NRG1: variants seen among roughly 807,000 people sequenced by gnomAD.
NRG1 encodes pro-neuregulin-1, membrane-bound isoform.
NRG1 carries 18 observed loss-of-function variants against 63.8 expected under a neutral mutation model. That is an observed-to-expected ratio of 0.28 (90% CI 0.19 to 0.42). The LOEUF (loss-of-function observed/expected upper bound fraction) is 0.42. Ranked by LOEUF, NRG1 falls within the 10% of genes least tolerant of loss-of-function variation. NRG1 has a pLI of 1.00. For synonymous variants in NRG1, 302 were observed against 301.3 expected, an observed-to-expected ratio of 1.00 and a Z score of -0.02; for missense variants, 762 against 814.7, an observed-to-expected ratio of 0.94 and a Z score of 0.79.
At chr8:31,999,146 T>C (rs187717172) in intron 1 of NRG1, among the ~76,000 whole-genome samples, 1 of 151,950 alleles carries the variant, frequency 6.6e-6, no homozygotes, top group East Asian at 1.9e-4. Flanking sequence ...TATTTTCCAA[T>C]GGAAATTGAC....
At chr8:31,653,758 C>A (rs550709699) in intron 1 of NRG1, among the ~76,000 whole-genome samples, 22 of 152,286 alleles carry the variant, frequency 1.4e-4, no homozygotes, top group African/African-American at 4.8e-4. Context: ...AAATCTTCAA[C>A]GTTTAATGCT....
intron 1 of NRG1, among the ~76,000 whole-genome samples, chr8:31,840,935 G>T (rs577493016): frequency 6.6e-6 from 1 of 152,232 alleles, no homozygotes; most frequent in Non-Finnish European, 1.5e-5. Context: ...TTTGGGTTTA[G>T]TATGTATTCA....
chr8:32,668,909 G>A (rs1231264612), intron 5 of NRG1, among the ~76,000 whole-genome samples: 2 of 152,078 alleles, frequency 1.3e-5, no homozygotes, highest in African/African-American at 2.4e-5. Flanking sequence ...ATTTAGTAAC[G>A]GATTTTCTTT....
At chr8:31,650,124 C>T (rs114921577) in intron 1 of NRG1, among the ~76,000 whole-genome samples, 2,696 of 152,216 alleles carry the variant, frequency 0.018, 88 homozygotes, top group African/African-American at 0.061. Flanking sequence ...ATCACAGGCC[C>T]ATGCCACTAT....
intron 1 of NRG1, among the ~76,000 whole-genome samples, chr8:32,282,452 G>C (rs1852979578): frequency 6.6e-6 from 1 of 152,214 alleles, no homozygotes; most frequent in Admixed American, 6.5e-5. Context: ...GGTTCAGCAT[G>C]CTCTCTGTCC....
At chr8:32,574,328 G>A (rs918793160) in intron 1 of NRG1, among the ~76,000 whole-genome samples, 1 of 151,956 alleles carries the variant, frequency 6.6e-6, no homozygotes, top group Non-Finnish European at 1.5e-5. Flanking sequence ...ATTTCATCAG[G>A]TCTTCAAAAG....
intron 1 of NRG1, among the ~76,000 whole-genome samples, chr8:32,421,401 C>G (rs1298038624): frequency 3.3e-5 from 5 of 152,142 alleles, no homozygotes; most frequent in Admixed American, 3.3e-4. Context: ...CAACATCTGC[C>G]CTTCTCTGAG....
At chr8:31,982,163 A>G (rs1195470414) in intron 1 of NRG1, among the ~76,000 whole-genome samples, 1 of 151,962 alleles carries the variant, frequency 6.6e-6, no homozygotes, top group African/African-American at 2.4e-5. Flanking sequence ...GATTCTTCCT[A>G]TATCTTTAGA....
intron 1 of NRG1, among the ~76,000 whole-genome samples, chr8:32,422,208 A>G (rs541009863): frequency 1.3e-5 from 2 of 152,080 alleles, no homozygotes; most frequent in Admixed American, 1.3e-4. Context: ...GCATCATCCC[A>G]ATTTCTTTCA....
chr8:32,188,828 G>A (rs952559211), intron 1 of NRG1, among the ~76,000 whole-genome samples: 2 of 151,996 alleles, frequency 1.3e-5, no homozygotes, highest in Admixed American at 1.3e-4. Context: ...GGGGGAGGAG[G>A]AGGGATAGCA....
chr8:32,554,837 C>A (rs36213867), intron 1 of NRG1, among the ~76,000 whole-genome samples: 49 of 152,052 alleles, frequency 3.2e-4, no homozygotes, highest in Non-Finnish European at 5.9e-4. Flanking sequence ...TCTTCCTATG[C>A]CCCATGTCAC....
chr8:31,928,350 G>A (rs955816979), intron 1 of NRG1, among the ~76,000 whole-genome samples: 3 of 64,374 alleles, frequency 4.7e-5, no homozygotes, highest in Non-Finnish European at 8.2e-5. Flanking sequence ...GCATGGATGT[G>A]GTAAAAAAAA....
At chr8:32,205,935 CAAAAA>C (rs5890627) in intron 1 of NRG1, among the ~76,000 whole-genome samples, 1 of 131,836 alleles carries the variant, frequency 7.6e-6, no homozygotes. Flanking sequence ...CATCTCTCTA[CAAAAA>C]AAAAAAAAAA....
intron 1 of NRG1, among the ~76,000 whole-genome samples, chr8:32,453,953 T>C (rs1419183597): frequency 6.6e-6 from 1 of 152,168 alleles, no homozygotes; most frequent in East Asian, 1.9e-4. Context: ...ATCTTTTCCA[T>C]GGTGAGGCTT....
intron 1 of NRG1, among the ~76,000 whole-genome samples, chr8:32,572,920 T>C (rs1838882973): frequency 6.6e-6 from 1 of 152,188 alleles, no homozygotes; most frequent in Admixed American, 6.5e-5. Context: ...TCTACAAATT[T>C]GCGACATATT....
chr8:32,500,072 CAAA>C (rs1827680266), intron 1 of NRG1, among the ~76,000 whole-genome samples: 1 of 152,160 alleles, frequency 6.6e-6, no homozygotes. Flanking sequence ...CCAATGTGAT[CAAA>C]AACAATCAAA....
chr8:31,640,348 C>T lies in NRG1; in HGVS notation c.37+917C>T. On this transcript the variant is annotated intron_variant, in intron 1 of 10. Transcript: ENST00000519301. This position sits in a 1 kb window ranked among gnomAD's most constrained non-coding sequence, Gnocchi z 6.3. ...CGATCGCGAGCCGCCAGCCGCGGGCCCACGGGCGCTGGGGCCGCCCGCCGA... is the reference window on the plus strand; with the variant it reads ...CGATCGCGAGCCGCCAGCCGCGGGCTCACGGGCGCTGGGGCCGCCCGCCGA... 1 of 1,207,992 alleles carries T rather than the reference C, an allele frequency of 8.3e-7. No homozygotes were observed. The allele number at this position is 1,207,992 out of a possible 1,614,324, so 74.8% of individuals were successfully genotyped here.
At chr8:32,758,575 C>CAAAAAAAAA (rs35499101) in intron 9 of NRG1, among the ~76,000 whole-genome samples, 1 of 74,524 alleles carries the variant, frequency 1.3e-5, no homozygotes. Context: ...GACTCCATCT[C>CAAAAAAAAA]AAAAAAAAAA....
At chr8:32,620,396 G>A (rs552099501) in intron 5 of NRG1, among the ~76,000 whole-genome samples, 14 of 151,990 alleles carry the variant, frequency 9.2e-5, no homozygotes, top group African/African-American at 2.9e-4. Flanking sequence ...AGTTCTCTGC[G>A]ATTTGGGGGT....
Sources: allele counts gnomAD v4.1 joint callset (sites outside exome capture counted in the v4.1 genomes callset), GRCh38; gene constraint gnomAD v4.1.1; non-coding constraint Gnocchi (gnomAD v3.1); transcripts MANE v1.5; gene names NCBI Gene and HGNC (gene_info 2026-07-23, HGNC 2026-07-21).